PPP1R11: variants seen among roughly 807,000 people sequenced by gnomAD.
The protein encoded by PPP1R11 is protein phosphatase 1 regulatory inhibitor subunit 11, also known as E3 ubiquitin-protein ligase PPP1R11.
A neutral mutation model predicts 11.3 loss-of-function variants in PPP1R11; 10 were observed. That is an observed-to-expected ratio of 0.88 (90% CI 0.55 to 1.50). The LOEUF is 1.50. PPP1R11 is among the 40% of genes most tolerant of loss of function. The pLI is 0.00. For synonymous variants in PPP1R11, 56 were observed against 62.3 expected, an observed-to-expected ratio of 0.90 and a Z score of 0.48; for missense variants, 114 against 179.1, an observed-to-expected ratio of 0.64 and a Z score of 2.07.
At chr6:30,068,757 T>C in intron 2 of PPP1R11, 59 bp downstream of exon 2, 1 of 1,410,808 alleles carries the variant, frequency 7.1e-7, no homozygotes, top group Non-Finnish European at 9.9e-7. Flanking sequence ...GCATATCTTG[T>C]ATCTACTCAT....
chr6:30,061,318 A>C, the PPP1R11 span: 2 of 514,704 alleles, frequency 3.9e-6, no homozygotes, highest in Non-Finnish European at 6.7e-6. The surrounding 1 kb of genome is among the most constrained non-coding windows in gnomAD (Gnocchi z 5.0). Flanking sequence ...CGGCCCCTGG[A>C]AAGGGTTCCA....
upstream of PPP1R11, chr6:30,061,824 G>A: frequency 6.5e-7 from 1 of 1,541,720 alleles, no homozygotes; most frequent in Non-Finnish European, 8.9e-7. The surrounding 1 kb of genome is among the most constrained non-coding windows in gnomAD (Gnocchi z 5.0). Context: ...AGGATGTAGG[G>A]CCTCCTGGCC....
In PPP1R11 at chr6:30,067,332, C is replaced by G. The variant is rs1025212119; in HGVS notation, c.-79C>G. On this transcript the variant is annotated 5_prime_UTR_variant, in exon 1 of 3. Transcript: ENST00000376772. ...TACCACTCTGAATCCGATACCGCTT[C>G]TCTTAGACCTCAGCGACAGAAAAAG... is the stretch of plus-strand genomic sequence containing the variant. The G allele has an allele frequency of 9.0e-6, 13 of 1,439,888 alleles. No individual in the cohort carries two copies. Among genetic ancestry groups the G allele is most frequent in the African/African-American group, 1.4e-5 (1 of 71,212 alleles). The allele number at this position is 1,439,888 out of a possible 1,614,324, so 89.2% of individuals were successfully genotyped here. A position where few individuals can be genotyped will look rare whatever the true frequency, so the allele number is the denominator to read the frequency against.
chr6:30,068,783 A>G, intron 2 of PPP1R11, 85 bp downstream of exon 2: 3 of 1,194,432 alleles, frequency 2.5e-6, no homozygotes, highest in Non-Finnish European at 3.6e-6. Context: ...CTGGCTTTCC[A>G]GAAGCCCCCA....
chr6:30,062,091 G>C, upstream of PPP1R11: 1 of 1,499,436 alleles, frequency 6.7e-7, no homozygotes, highest in Non-Finnish European at 9.3e-7. Context: ...GCAAAGCTCT[G>C]GAGAGTTTTG....
intron 2 of PPP1R11, among the ~76,000 whole-genome samples, 200 bp downstream of exon 2, chr6:30,068,898 A>G (rs1352142906): frequency 6.6e-6 from 1 of 152,180 alleles, no homozygotes; most frequent in East Asian, 1.9e-4. Flanking sequence ...AAGAAGTGTC[A>G]GAGGTGGGAG....
upstream of PPP1R11, chr6:30,061,776 C>T (rs999404679): frequency 1.3e-6 from 2 of 1,564,196 alleles, no homozygotes; most frequent in Non-Finnish European, 8.7e-7. The surrounding 1 kb of genome is among the most constrained non-coding windows in gnomAD (Gnocchi z 5.0). Flanking sequence ...GGACATCAGG[C>T]GGTTGTACAT....
rs867025799 is a variant in PPP1R11, at chr6:30,067,701, G to A, written c.69+222G>A. ...AACTTGTAATAGGGAGGTACAGTTA[G>A]GATATAGGTGTTGCTGCTTGGGGTG... On this transcript the variant is annotated intron_variant, in intron 1 of 2. Coordinates refer to ENST00000376772, the MANE Select transcript of PPP1R11 (RefSeq NM_021959.3). The A allele has an allele frequency of 2.8e-5, 15 of 528,550 alleles. 1 individual carries two copies. The Middle Eastern group carries it at 3.9e-3, about 138-fold the overall frequency. The allele number at this position is 528,550 out of a possible 1,614,324, so 32.7% of individuals were successfully genotyped here. A position where few individuals can be genotyped will look rare whatever the true frequency, so the allele number is the denominator to read the frequency against.
At chr6:30,062,043 C>T (rs1765123040), upstream of PPP1R11, 3 of 1,599,702 alleles carry the variant, frequency 1.9e-6, no homozygotes, top group African/African-American at 2.7e-5. Flanking sequence ...CAAGAACTGG[C>T]TCCATAAGGT....
At chr6:30,064,148 G>GTCTGGATT (rs1765324562), upstream of PPP1R11, among the ~76,000 whole-genome samples, 1 of 152,154 alleles carries the variant, frequency 6.6e-6, no homozygotes, top group Non-Finnish European at 1.5e-5. Flanking sequence ...TAACTTCCCT[G>GTCTGGATT]TCTGGATTTC....
upstream of PPP1R11, among the ~76,000 whole-genome samples, chr6:30,065,086 G>T (rs1765400152): frequency 6.6e-6 from 1 of 152,172 alleles, no homozygotes; most frequent in Non-Finnish European, 1.5e-5. This position sits in a 1 kb window ranked among gnomAD's most constrained non-coding sequence, Gnocchi z 5.3. Context: ...AATCTATTTG[G>T]TTCCTGAGTT....
chr6:30,063,877 C>T (rs1765306762), upstream of PPP1R11, among the ~76,000 whole-genome samples: 1 of 152,178 alleles, frequency 6.6e-6, no homozygotes, highest in African/African-American at 2.4e-5. This position sits in a 1 kb window ranked among gnomAD's most constrained non-coding sequence, Gnocchi z 4.1. Flanking sequence ...GGCTAGCTTA[C>T]AGTTAGAAAT....
chr6:30,069,377 C>G lies in PPP1R11; in HGVS notation c.*71C>G. 2 of 1,158,208 alleles carry G rather than the reference C, an allele frequency of 1.7e-6. No homozygotes were observed. Among genetic ancestry groups the G allele is most frequent in the Non-Finnish European group, 2.4e-6 (2 of 822,048 alleles). The allele number at this position is 1,158,208 out of a possible 1,614,324, so 71.7% of individuals were successfully genotyped here. ...TATCCATGTGGCTACTTCTCCAGCC[C>G]CCTCCTTCCCTCTCTTCTGCCTGAT... On this transcript the variant is annotated 3_prime_UTR_variant, in exon 3 of 3. Coordinates refer to ENST00000376772, the MANE Select transcript of PPP1R11 (RefSeq NM_021959.3). The surrounding 1 kb of genome is among the most constrained non-coding windows in gnomAD (Gnocchi z 6.6).
At chr6:30,062,321 G>A (rs201371274), upstream of PPP1R11, 76 of 1,610,556 alleles carry the variant, frequency 4.7e-5, no homozygotes, top group Non-Finnish European at 6.1e-5. Flanking sequence ...TTCTACACCT[G>A]TACCAACTGC....
Position 30,070,127 on chromosome 6 carries a change from T to TCTTA in PPP1R11, c.*823_*826dup, listed in dbSNP as rs1468928645. 1 of 152,720 alleles carries TCTTA rather than the reference T, an allele frequency of 6.5e-6. No individual in the cohort carries two copies. The highest frequency in any genetic ancestry group is 1.5e-5 in the Non-Finnish European group (1 of 68,480). 9.5% of individuals were successfully genotyped at this position (152,720 alleles called of 1,614,324 possible). A position where few individuals can be genotyped will look rare whatever the true frequency, so the allele number is the denominator to read the frequency against. ...TTGGGGTATGTCCCCTGTAGTACACTCTTACCTCTTACTTCCTAGACTTTG... is the reference window on the plus strand; with the variant it reads ...TTGGGGTATGTCCCCTGTAGTACACTCTTACTTACCTCTTACTTCCTAGACTTTG... On this transcript the variant is annotated 3_prime_UTR_variant, in exon 3 of 3. Coordinates refer to ENST00000376772, the MANE Select transcript of PPP1R11 (RefSeq NM_021959.3).
upstream of PPP1R11, among the ~76,000 whole-genome samples, chr6:30,065,371 T>G (rs1209674151): frequency 6.6e-6 from 1 of 152,216 alleles, no homozygotes; most frequent in African/African-American, 2.4e-5. The surrounding 1 kb of genome is among the most constrained non-coding windows in gnomAD (Gnocchi z 5.3). Flanking sequence ...GCCCTCCTTT[T>G]CCTCCTCCTG....
upstream of PPP1R11, chr6:30,064,917 G>A: frequency 4.9e-6 from 2 of 410,484 alleles, no homozygotes. Flanking sequence ...ACATATGTAT[G>A]TTACTTATAA....
chr6:30,064,883 GT>G, upstream of PPP1R11: 1 of 433,502 alleles, frequency 2.3e-6, no homozygotes, highest in Non-Finnish European at 4.1e-6. Context: ...CCTTATTAAA[GT>G]TATATTTTTC....
At chr6:30,064,651 C>T, upstream of PPP1R11, 1 of 1,604,118 alleles carries the variant, frequency 6.2e-7, no homozygotes, top group Non-Finnish European at 8.5e-7. Flanking sequence ...GTGAATATAA[C>T]AAGTCCTTTC....
Sources: allele counts gnomAD v4.1 joint callset (sites outside exome capture counted in the v4.1 genomes callset), GRCh38; gene constraint gnomAD v4.1.1; non-coding constraint Gnocchi (gnomAD v3.1); transcripts MANE v1.5; gene names NCBI Gene and HGNC (gene_info 2026-07-23, HGNC 2026-07-21).